Variants in NTNG1 observed in about 807,000 individuals in gnomAD.
The protein encoded by NTNG1 is netrin-G1.
Under a neutral mutation model 54.0 loss-of-function variants are expected in NTNG1, and 16 were observed. That is an observed-to-expected ratio of 0.30 (90% CI 0.20 to 0.45). The LOEUF is 0.45. Ranked by LOEUF, NTNG1 falls within the 20% of genes least tolerant of loss-of-function variation. The pLI is 1.00. For synonymous variants in NTNG1, 255 were observed against 263.1 expected, an observed-to-expected ratio of 0.97 and a Z score of 0.30; for missense variants, 530 against 678.7, an observed-to-expected ratio of 0.78 and a Z score of 2.43.
chr1:107,166,127 A>G (rs1250155005), intron 2 of NTNG1, among the ~76,000 whole-genome samples: 2 of 152,200 alleles, frequency 1.3e-5, no homozygotes, highest in African/African-American at 4.8e-5. Context: ...GAAGCAGTTC[A>G]TTGCAAACTC....
At chr1:107,312,175 A>G (rs769913628) in intron 2 of NTNG1, among the ~76,000 whole-genome samples, 1 of 152,168 alleles carries the variant, frequency 6.6e-6, no homozygotes, top group Non-Finnish European at 1.5e-5. Context: ...TTTTTAAAAA[A>G]TTAACGAAGG....
intron 5 of NTNG1, among the ~76,000 whole-genome samples, chr1:107,416,497 T>C (rs924315544): frequency 3.9e-5 from 6 of 152,036 alleles, no homozygotes; most frequent in Non-Finnish European, 7.4e-5. Context: ...CAGAATGGCC[T>C]ACATTAATTT....
intron 2 of NTNG1, among the ~76,000 whole-genome samples, chr1:107,201,123 TA>T (rs1423933735): frequency 1.3e-5 from 2 of 151,884 alleles, no homozygotes; most frequent in Non-Finnish European, 2.9e-5. Context: ...CTTGTACCTT[TA>T]TTTTTTTAAC....
chr1:107,388,644 G>A (rs1053216594), intron 3 of NTNG1, among the ~76,000 whole-genome samples: 1 of 152,196 alleles, frequency 6.6e-6, no homozygotes, highest in African/African-American at 2.4e-5. Flanking sequence ...TTTAGTTGTT[G>A]ATTTGTTAAG....
intron 2 of NTNG1, among the ~76,000 whole-genome samples, chr1:107,180,018 A>G (rs1656952142): frequency 6.6e-6 from 1 of 152,170 alleles, no homozygotes; most frequent in Admixed American, 6.6e-5. Flanking sequence ...AATTAACTCA[A>G]GGCCCTATTG....
At chr1:107,239,650 T>C (rs1661685650) in intron 2 of NTNG1, among the ~76,000 whole-genome samples, 1 of 152,296 alleles carries the variant, frequency 6.6e-6, no homozygotes, top group Non-Finnish European at 1.5e-5. Context: ...GACCCCTGAC[T>C]GGTATAGGCC....
intron 2 of NTNG1, among the ~76,000 whole-genome samples, chr1:107,309,789 C>A (rs538004846): frequency 2.9e-4 from 44 of 152,138 alleles, no homozygotes; most frequent in Non-Finnish European, 4.9e-4. Context: ...ATTAATCAAA[C>A]CCAACATTTC....
At chr1:107,467,952 C>T (rs1005956275) in intron 7 of NTNG1, among the ~76,000 whole-genome samples, 5 of 152,122 alleles carry the variant, frequency 3.3e-5, no homozygotes, top group Non-Finnish European at 5.9e-5. Context: ...AATTTATTGA[C>T]ACCAATTCAT....
chr1:107,464,296 T>C (rs1400493546), intron 7 of NTNG1, among the ~76,000 whole-genome samples: 2 of 152,212 alleles, frequency 1.3e-5, no homozygotes, highest in Non-Finnish European at 2.9e-5. Flanking sequence ...AGCCTAAAGA[T>C]GGATAATCAG....
At chr1:107,225,923 A>T (rs1450273899) in intron 2 of NTNG1, among the ~76,000 whole-genome samples, 1 of 152,124 alleles carries the variant, frequency 6.6e-6, no homozygotes, top group African/African-American at 2.4e-5. Flanking sequence ...GGGAAGGGCT[A>T]TGGAGGCACA....
chr1:107,458,919 T>C (rs947880535), intron 7 of NTNG1, among the ~76,000 whole-genome samples: 1 of 152,182 alleles, frequency 6.6e-6, no homozygotes, highest in Non-Finnish European at 1.5e-5. Flanking sequence ...TAACTTAATG[T>C]TTGCCTTGTT....
At chr1:107,477,322 T>C (rs1678394930) in intron 7 of NTNG1, among the ~76,000 whole-genome samples, 1 of 152,214 alleles carries the variant, frequency 6.6e-6, no homozygotes, top group Admixed American at 6.5e-5. Context: ...GAACCACATG[T>C]TGCTGTTGAT....
At chr1:107,413,463 T>TA (rs575779709) in intron 5 of NTNG1, among the ~76,000 whole-genome samples, 117 of 151,936 alleles carry the variant, frequency 7.7e-4, no homozygotes, top group African/African-American at 2.5e-3. Context: ...TTTTTTCAAT[T>TA]AAAAAAAATG....
chr1:107,175,616 T>G (rs544571063), intron 2 of NTNG1, among the ~76,000 whole-genome samples: 1 of 152,266 alleles, frequency 6.6e-6, no homozygotes, highest in African/African-American at 2.4e-5. Context: ...TTTTGTTTTT[T>G]TTTTTCTAAG....
intron 2 of NTNG1, among the ~76,000 whole-genome samples, chr1:107,175,765 G>A (rs1031075713): frequency 6.6e-5 from 10 of 152,254 alleles, no homozygotes; most frequent in Admixed American, 2.6e-4. Context: ...ATAATTTATG[G>A]AAATTCTCTA....
intron 4 of NTNG1, among the ~76,000 whole-genome samples, chr1:107,407,300 G>GTA (rs1008580604): frequency 5.9e-5 from 9 of 152,052 alleles, no homozygotes; most frequent in African/African-American, 2.2e-4. Context: ...TTGGTACTCT[G>GTA]TACCCATAAC....
intron 4 of NTNG1, among the ~76,000 whole-genome samples, chr1:107,400,940 A>G (rs1672993105): frequency 6.6e-6 from 1 of 152,148 alleles, no homozygotes; most frequent in Admixed American, 6.5e-5. Flanking sequence ...GTGAGCCACC[A>G]CGCCCAGCCC....
intron 2 of NTNG1, among the ~76,000 whole-genome samples, chr1:107,217,828 A>G (rs752468804): frequency 5.3e-5 from 8 of 151,848 alleles, no homozygotes; most frequent in African/African-American, 1.7e-4. Context: ...TATAATTTCA[A>G]TTTTCTAAAA....
intron 7 of NTNG1, among the ~76,000 whole-genome samples, chr1:107,449,905 C>T (rs1018056401): frequency 2.6e-5 from 4 of 152,138 alleles, no homozygotes; most frequent in East Asian, 1.9e-4. Flanking sequence ...ATATATTTTA[C>T]CAGGTTCCCA....
Sources: gnomAD v4.1 joint callset for allele counts (sites outside exome capture counted in the v4.1 genomes callset) on GRCh38, gnomAD v4.1.1 for gene constraint, MANE v1.5 for transcripts, NCBI Gene and HGNC (gene_info 2026-07-23, HGNC 2026-07-21) for gene names.